The following ZNF710 variants were observed in gnomAD, a reference collection of about 807,000 sequenced individuals.
The protein encoded by ZNF710 is zinc finger protein 710.
In ZNF710, 13 loss-of-function variants were observed where a neutral mutation model predicts 50.6. The observed-to-expected ratio is 0.26, with a 90% CI of 0.17 to 0.41. The LOEUF is 0.41. Ranked by LOEUF, ZNF710 falls within the 10% of genes least tolerant of loss-of-function variation. The pLI is 1.00. For missense variants in ZNF710, 721 were observed against 936.6 expected, an observed-to-expected ratio of 0.77 and a Z score of 3.01; for synonymous variants, 383 against 397.0, an observed-to-expected ratio of 0.96 and a Z score of 0.42.
In ZNF710 at chr15:90,079,770, G is replaced by A. The variant is rs748861157; in HGVS notation, c.1936G>A (p.Glu646Lys). Residue 646 changes from glutamate (E) to lysine (K), a missense_variant, in exon 5 of 5, where the codon GAG (glutamate) becomes AAG (lysine). By Grantham distance (56) the Glu-to-Lys change is moderately conservative. Transcript: ENST00000268154. Reference protein sequence around the residue: ...YSYASVDSSAEASVLTEQAMK... With the variant: ...YSYASVDSSAKASVLTEQAMK... The stretch of plus-strand genomic sequence containing the variant: ...CTATGCGAGCGTGGACAGCAGCGCC[G>A]AGGCCAGTGTCCTCACTGAACAGGC... 10 of 1,613,122 alleles carry A rather than the reference G, an allele frequency of 6.2e-6. No individual in the cohort carries two copies. Among genetic ancestry groups the A allele is most frequent in the Middle Eastern group, 1.7e-4 (1 of 6,054 alleles).
chr15:90,038,491 G>A (rs1899198131), intron 1 of ZNF710, among the ~76,000 whole-genome samples: 1 of 152,200 alleles, frequency 6.6e-6, no homozygotes, highest in South Asian at 2.1e-4. Flanking sequence ...TATCTTTCAG[G>A]AGTGTGGACT....
At chr15:90,002,199 G>A (rs1441745675) in intron 1 of ZNF710, among the ~76,000 whole-genome samples, 2 of 151,714 alleles carry the variant, frequency 1.3e-5, no homozygotes, top group Admixed American at 6.6e-5. Context: ...CTCGGAGCGG[G>A]TGGGGTTGTT....
intron 1 of ZNF710, among the ~76,000 whole-genome samples, chr15:90,016,161 A>T (rs1898450335): frequency 1.3e-5 from 2 of 152,054 alleles, no homozygotes; most frequent in Non-Finnish European, 1.5e-5. Flanking sequence ...AATTTTTTTT[A>T]AAGAAGGAAA....
At position 90,034,474 on chromosome 15, in the gene ZNF710, G is replaced by GTA. The variant is rs1384595091; in HGVS notation, c.-28-32634_-28-32633dup. 7.8e-6 allele frequency among the ~76,000 whole-genome samples: 1 copy of GTA among 128,546 alleles called. No homozygotes were observed. The highest frequency in any genetic ancestry group is 2.1e-4 in the East Asian group (1 of 4,682). The allele number at this position is 128,546 out of a possible 152,430, so 84.3% of individuals were successfully genotyped here. On this transcript the variant is annotated intron_variant, in intron 1 of 4. Coordinates refer to ENST00000268154, the MANE Select transcript of ZNF710 (RefSeq NM_198526.4). This position sits in a 1 kb window ranked among gnomAD's most constrained non-coding sequence, Gnocchi z 4.0. ...TGTGTGTGTGTGTGTGTGTGTGTGTGTATTCTGTGCCTGTGGTGGTGGTGG... is the reference window on the plus strand; with the variant it reads ...TGTGTGTGTGTGTGTGTGTGTGTGTGTATATTCTGTGCCTGTGGTGGTGGTGG...
At chr15:90,051,238 CAAAAA>C (rs61250352) in intron 1 of ZNF710, among the ~76,000 whole-genome samples, 1 of 79,082 alleles carries the variant, frequency 1.3e-5, no homozygotes, top group Non-Finnish European at 2.7e-5. Context: ...GACTCCGTCT[CAAAAA>C]AAAAAAAAAA....
At chr15:90,020,214 G>T (rs575147717) in intron 1 of ZNF710, among the ~76,000 whole-genome samples, 2 of 152,198 alleles carry the variant, frequency 1.3e-5, no homozygotes, top group Admixed American at 6.5e-5. Context: ...GCGTGACAGC[G>T]CATTCTTCAT....
At chr15:90,022,243 G>T (rs1898646614) in intron 1 of ZNF710, among the ~76,000 whole-genome samples, 1 of 151,572 alleles carries the variant, frequency 6.6e-6, no homozygotes, top group Non-Finnish European at 1.5e-5. Flanking sequence ...GGGTGTGGTG[G>T]TGCATGCCTG....
At chr15:90,016,585 G>T (rs1209614143) in intron 1 of ZNF710, among the ~76,000 whole-genome samples, 1 of 152,168 alleles carries the variant, frequency 6.6e-6, no homozygotes, top group Non-Finnish European at 1.5e-5. Flanking sequence ...GGGACTACAG[G>T]CATGTACCAT....
intron 1 of ZNF710, among the ~76,000 whole-genome samples, chr15:90,016,304 G>A (rs1372518167): frequency 6.6e-6 from 1 of 152,144 alleles, no homozygotes; most frequent in East Asian, 1.9e-4. Flanking sequence ...TTTTTAGACC[G>A]AGAAACTGAA....
At position 90,059,478 on chromosome 15, in the gene ZNF710, C is replaced by T. The variant is rs955175275; in HGVS notation, c.-28-7632C>T. 1.3e-5 allele frequency among the ~76,000 whole-genome samples: 2 copies of T among 152,084 alleles called. No individual in the cohort carries two copies. The highest frequency in any genetic ancestry group is 2.4e-5 in the African/African-American group (1 of 41,406). On this transcript the variant is annotated intron_variant, in intron 1 of 4. Transcript: ENST00000268154. The surrounding 1 kb of genome is among the most constrained non-coding windows in gnomAD (Gnocchi z 4.1). ...TCTGTTAACAGGGCCGGGTATGGTGCGCATCACGGGGGTTTGTGGGTTGGT... is the reference window on the plus strand; with the variant it reads ...TCTGTTAACAGGGCCGGGTATGGTGTGCATCACGGGGGTTTGTGGGTTGGT...
Position 90,080,058 on chromosome 15 carries a change from A to G in ZNF710, c.*229A>G, listed in dbSNP as rs900175088. ...GCCCAGGCATCCCAGCAAGGGAAGG[A>G]GAACACGCGAGGCCCAGATCTGGGT... On this transcript the variant is annotated 3_prime_UTR_variant, in exon 5 of 5. Transcript: ENST00000268154. 46 of 440,084 alleles carry G rather than the reference A, an allele frequency of 1.0e-4. No individual in the cohort carries two copies. The East Asian group carries it at 2.0e-3, about 19-fold the overall frequency. The allele number at this position is 440,084 out of a possible 1,614,324, so 27.3% of individuals were successfully genotyped here.
intron 4 of ZNF710, 39 bp from the exon 5 acceptor site, chr15:90,079,621 G>A (rs375776974): frequency 1.3e-6 from 2 of 1,598,870 alleles, no homozygotes; most frequent in Non-Finnish European, 8.5e-7. Context: ...CTCCTCCCGA[G>A]AGATGGCAGC....
At chr15:90,037,482 G>A (rs1270347408) in intron 1 of ZNF710, among the ~76,000 whole-genome samples, 1 of 152,174 alleles carries the variant, frequency 6.6e-6, no homozygotes, top group Non-Finnish European at 1.5e-5. Context: ...AAGCATAGGT[G>A]TCCCTAGAGA....
rs398028304 is a variant in ZNF710, at chr15:90,034,428, C to CTGTGTG, written c.-28-32640_-28-32635dup. On this transcript the variant is annotated intron_variant, in intron 1 of 4. Coordinates refer to ENST00000268154, the MANE Select transcript of ZNF710 (RefSeq NM_198526.4). This position sits in a 1 kb window ranked among gnomAD's most constrained non-coding sequence, Gnocchi z 4.0. The stretch of plus-strand genomic sequence containing the variant: ...AGCTGTCCTTCCTGTTTCCAAATTC[C>CTGTGTG]TGTGTGTGTGTGTGTGTGTGTGTGT... Among the ~76,000 whole-genome samples, 1,261 of 136,234 alleles carry CTGTGTG rather than the reference C, an allele frequency of 9.3e-3. 15 individuals are homozygous for CTGTGTG. The highest frequency in any genetic ancestry group is 0.011 in the Non-Finnish European group (702 of 62,184). 89.4% of individuals were successfully genotyped at this position (136,234 alleles called of 152,430 possible).
intron 1 of ZNF710, among the ~76,000 whole-genome samples, chr15:90,013,926 A>G (rs1898381347): frequency 6.6e-6 from 1 of 152,144 alleles, no homozygotes; most frequent in African/African-American, 2.4e-5. Flanking sequence ...CCCACACTGG[A>G]TTCTGAGCTT....
chr15:90,033,938 A>T (rs1184972702), intron 1 of ZNF710, among the ~76,000 whole-genome samples: 2 of 152,198 alleles, frequency 1.3e-5, no homozygotes, highest in Non-Finnish European at 2.9e-5. Flanking sequence ...GCGGTGGCTC[A>T]TGCCTGTAAT....
chr15:90,035,594 C>A (rs1899097247), intron 1 of ZNF710, among the ~76,000 whole-genome samples: 1 of 152,246 alleles, frequency 6.6e-6, no homozygotes, highest in South Asian at 2.1e-4. Flanking sequence ...CCAGCACTCA[C>A]ATATCTCATC....
rs868614432 is a variant in ZNF710 at position 90,068,417 on chromosome 15, C to T, written c.1280C>T (p.Ala427Val). The change falls in exon 2 of 5, where the codon GCC (alanine) becomes GTC (valine). Residue 427 changes from alanine (A) to valine (V), a missense_variant. By Grantham distance (64) the Ala-to-Val change is moderately conservative (BLOSUM62 0). This residue lies in a region of ZNF710 where 326 missense variants were observed against 522.0 expected (regional missense o/e 0.62). Coordinates refer to ENST00000268154, the MANE Select transcript of ZNF710 (RefSeq NM_198526.4). The surrounding 1 kb of genome is among the most constrained non-coding windows in gnomAD (Gnocchi z 5.0). ...STLTQLKRHL[A>V]SHQGPTLYQC... ...CTGACCCAGCTCAAGCGCCACCTGG[C>T]CTCCCACCAGGGCCCCACCCTCTAC... The T allele has an allele frequency of 3.7e-6, 6 of 1,613,908 alleles. No homozygotes were observed. In the Middle Eastern group the frequency reaches 8.2e-4, roughly 222 times the overall value.
rs74546087 is a variant in ZNF710 at position 90,040,166 on chromosome 15, G to T, written c.-28-26944G>T. The stretch of plus-strand genomic sequence containing the variant: ...GACCATGCCAGCTTGGGCTGTGGCT[G>T]GGTGAGGTCACCCAGGCCTCAGGCC... On this transcript the variant is annotated intron_variant, in intron 1 of 4. Coordinates refer to ENST00000268154, the MANE Select transcript of ZNF710 (RefSeq NM_198526.4). This position sits in a 1 kb window ranked among gnomAD's most constrained non-coding sequence, Gnocchi z 4.6. Among the ~76,000 whole-genome samples, 2,792 of 152,300 alleles carry T rather than the reference G, an allele frequency of 0.018. 90 individuals carry two copies. Among genetic ancestry groups the T allele is most frequent in the African/African-American group, 0.063 (2,602 of 41,560 alleles).
Sources: gnomAD v4.1 joint callset for allele counts (sites outside exome capture counted in the v4.1 genomes callset) on GRCh38, gnomAD v4.1.1 for gene constraint, gnomAD v4.1.1 regional missense constraint, Gnocchi (gnomAD v3.1) non-coding constraint, MANE v1.5 for transcripts, NCBI Gene and HGNC (gene_info 2026-07-23, HGNC 2026-07-21) for gene names.